Variants in SMS observed in about 807,000 individuals in gnomAD.
SMS encodes spermine synthase, also known as spermidine aminopropyltransferase.
In SMS, 3 loss-of-function variants were observed where a neutral mutation model predicts 33.0. That is an observed-to-expected ratio of 0.09 (90% CI 0.04 to 0.23). The LOEUF (loss-of-function observed/expected upper bound fraction) is 0.23. Ranked by LOEUF, SMS falls within the 10% of genes least tolerant of loss-of-function variation. The pLI, the probability that SMS is intolerant of heterozygous loss-of-function variation, is 1.00. For missense variants in SMS, 117 were observed against 288.6 expected (o/e 0.41, Z 4.31); for synonymous variants, 103 against 112.2 (o/e 0.92, Z 0.52).
intron 9 of SMS, among the ~76,000 whole-genome samples, chrX:21,986,801 A>G (rs1223403150): frequency 9.0e-6 from 1 of 111,694 alleles, no homozygotes; most frequent in Non-Finnish European, 1.9e-5. Flanking sequence ...AGACACGCCC[A>G]TTTATTACAT....
chrX:21,982,939 A>G (rs1300962900), intron 7 of SMS, among the ~76,000 whole-genome samples: 1 of 112,591 alleles, frequency 8.9e-6, no homozygotes, highest in Non-Finnish European at 1.9e-5. Context: ...ACAATAGGAC[A>G]GAAAAGTCCC....
Position 21,991,248 on chromosome X carries a change from G to A in SMS, c.946-1349G>A, listed in dbSNP as rs183597602. ...GCTGGAGTGCAGTGGCGCCATCTCG[G>A]CTCACTGCAACCTCCACCTCCTGGG... is the stretch of plus-strand genomic sequence containing the variant. On this transcript the variant is annotated intron_variant, in intron 9 of 10. Transcript: ENST00000404933. Among the ~76,000 whole-genome samples, 72 of 111,527 alleles carry A rather than the reference G, an allele frequency of 6.5e-4. 1 individual carries two copies. Among genetic ancestry groups the A allele is most frequent in the Admixed American group, 2.4e-3 (25 of 10,557 alleles).
intron 1 of SMS, among the ~76,000 whole-genome samples, chrX:21,957,901 A>G (rs1186416491): frequency 9.2e-6 from 1 of 108,166 alleles, no homozygotes; most frequent in Non-Finnish European, 1.9e-5. Context: ...TTGGCTGTTT[A>G]TCTTTTGAGA....
intron 1 of SMS, among the ~76,000 whole-genome samples, chrX:21,966,916 A>G (rs1230240011): frequency 3.6e-5 from 4 of 110,688 alleles, no homozygotes; most frequent in Non-Finnish European, 7.6e-5. Context: ...TGGCGCAGCT[A>G]TTTGTGGTCG....
chrX:21,942,908 C>T (rs924858812), intron 1 of SMS, among the ~76,000 whole-genome samples: 7 of 103,914 alleles, frequency 6.7e-5, no homozygotes, highest in Admixed American at 6.3e-4. Context: ...GGTGCGATCT[C>T]GGCTCACTGC....
chrX:21,954,020 T>A (rs1175518321), intron 1 of SMS, among the ~76,000 whole-genome samples: 2 of 111,128 alleles, frequency 1.8e-5, no homozygotes, highest in Admixed American at 9.7e-5. Flanking sequence ...TTAAGTATTC[T>A]CATTCTCTAG....
chrX:21,983,282 C>T (rs1223804715), intron 7 of SMS, among the ~76,000 whole-genome samples: 3 of 111,134 alleles, frequency 2.7e-5, no homozygotes, highest in Non-Finnish European at 5.7e-5. Flanking sequence ...TCCATTGTTC[C>T]GCCCACCTCA....
intron 9 of SMS, among the ~76,000 whole-genome samples, chrX:21,987,284 A>T (rs1925415886): frequency 1.8e-5 from 2 of 112,119 alleles, no homozygotes; most frequent in African/African-American, 6.5e-5. Flanking sequence ...GGCGCGAGCC[A>T]CTGCGCCCAG....
At chrX:21,972,916 CAAAAA>C (rs981181175) in intron 4 of SMS, among the ~76,000 whole-genome samples, 2 of 39,579 alleles carry the variant, frequency 5.1e-5, no homozygotes, top group African/African-American at 1.7e-4. Flanking sequence ...GAGACTGTCT[CAAAAA>C]AAAAAAAAAA....
intron 1 of SMS, among the ~76,000 whole-genome samples, chrX:21,959,468 C>A (rs1923189921): frequency 1.8e-5 from 2 of 111,519 alleles, no homozygotes; most frequent in African/African-American, 6.5e-5. Context: ...ATGCCGCGCT[C>A]TTTGTCATTC....
intron 9 of SMS, among the ~76,000 whole-genome samples, chrX:21,991,926 G>A (rs1482836757): frequency 1.8e-5 from 2 of 111,851 alleles, no homozygotes; most frequent in Non-Finnish European, 3.8e-5. Flanking sequence ...AGCTTTTCCA[G>A]CAGCTACCAG....
At chrX:21,969,099 G>A (rs1923941477) in intron 2 of SMS, among the ~76,000 whole-genome samples, 1 of 110,834 alleles carries the variant, frequency 9.0e-6, no homozygotes, top group Non-Finnish European at 1.9e-5. Flanking sequence ...ATATTCCAGA[G>A]ACCTAGAGAT....
chrX:21,974,836 A>G (rs1358952111), intron 4 of SMS, among the ~76,000 whole-genome samples: 1 of 100,091 alleles, frequency 1.0e-5, no homozygotes, highest in Non-Finnish European at 2.0e-5. Flanking sequence ...ACTGGCCTCA[A>G]AAGGACAAGG....
chrX:21,981,175 G>A (rs1454573203), intron 7 of SMS, among the ~76,000 whole-genome samples: 4 of 110,519 alleles, frequency 3.6e-5, no homozygotes, highest in African/African-American at 6.6e-5. Flanking sequence ...ACAAAAATTA[G>A]CCCGACGTGG....
chrX:21,944,135 G>A (rs1286450767), intron 1 of SMS, among the ~76,000 whole-genome samples: 1 of 111,223 alleles, frequency 9.0e-6, no homozygotes, highest in Non-Finnish European at 1.9e-5. Context: ...GGGCTTGGTG[G>A]TGCTGGTTTA....
intron 1 of SMS, among the ~76,000 whole-genome samples, chrX:21,961,716 G>A (rs1338538337): frequency 8.9e-6 from 1 of 111,838 alleles, no homozygotes. Flanking sequence ...AAAGTAGGCA[G>A]TGGGCTGGAA....
chrX:21,965,980 G>T (rs1346736191), intron 1 of SMS, among the ~76,000 whole-genome samples: 5 of 110,805 alleles, frequency 4.5e-5, no homozygotes, highest in African/African-American at 1.6e-4. Flanking sequence ...GTCTGTGCAG[G>T]CCAGAATAAG....
intron 1 of SMS, among the ~76,000 whole-genome samples, chrX:21,944,522 C>CAAAAAAAAAAAA (rs777680386): frequency 5.8e-4 from 20 of 34,613 alleles, no homozygotes; most frequent in East Asian, 1.0e-3. Flanking sequence ...CCTGTCTCTA[C>CAAAAAAAAAAAA]AAAAAAAAAA....
At chrX:21,978,340 C>T (rs151008741) in intron 6 of SMS, among the ~76,000 whole-genome samples, 2,196 of 111,322 alleles carry the variant, frequency 0.02, 27 homozygotes, top group Non-Finnish European at 0.031. Flanking sequence ...TTTGGGAGGC[C>T]GAGGCGGGTG....
Sources: allele counts gnomAD v4.1 joint callset (sites outside exome capture counted in the v4.1 genomes callset), GRCh38; gene constraint gnomAD v4.1.1; transcripts MANE v1.5; gene names NCBI Gene and HGNC (gene_info 2026-07-23, HGNC 2026-07-21).